Variants in SLC27A1 observed in about 807,000 individuals in gnomAD.
The protein encoded by SLC27A1 is long-chain fatty acid transport protein 1.
In SLC27A1, 61 loss-of-function variants were observed where a neutral mutation model predicts 62.2. The observed-to-expected ratio is 0.98, with a 90% confidence interval of 0.80 to 1.21. The LOEUF (loss-of-function observed/expected upper bound fraction) is 1.21. SLC27A1 is among the 50% of genes most tolerant of loss of function. SLC27A1 has a pLI of 0.00. For synonymous variants in SLC27A1, 435 were observed against 408.6 expected, an observed-to-expected ratio of 1.06 and a Z score of -0.78; for missense variants, 903 against 932.1, an observed-to-expected ratio of 0.97 and a Z score of 0.41.
In SLC27A1 at chr19:17,500,887, G is replaced by C; in HGVS notation, c.1636+11G>C. On this transcript the variant is annotated intron_variant, in intron 10 of 11. Coordinates refer to ENST00000252595, the MANE Select transcript of SLC27A1 (RefSeq NM_198580.3). ...GGGTGGCTGTTCCAGGCAAGCTGGGGTTGCAGGGGGTGGTCCTGAGGCATG... is the reference window on the plus strand; with the variant it reads ...GGGTGGCTGTTCCAGGCAAGCTGGGCTTGCAGGGGGTGGTCCTGAGGCATG... 6.3e-7 allele frequency: 1 copy of C among 1,599,964 alleles called. No individual in the cohort carries two copies.
chr19:17,474,011 T>C (rs1017328249), intron 1 of SLC27A1, among the ~76,000 whole-genome samples: 1 of 151,934 alleles, frequency 6.6e-6, no homozygotes. Context: ...GGTGTGATCA[T>C]AGCTCACTGT....
chr19:17,482,903 A>G (rs752350919), intron 1 of SLC27A1, among the ~76,000 whole-genome samples: 1 of 152,106 alleles, frequency 6.6e-6, no homozygotes, highest in Non-Finnish European at 1.5e-5. Flanking sequence ...CATAGATGCT[A>G]GAGATGCACA....
intron 1 of SLC27A1, among the ~76,000 whole-genome samples, chr19:17,471,907 C>T (rs1703429935): frequency 6.6e-6 from 1 of 152,206 alleles, no homozygotes; most frequent in Non-Finnish European, 1.5e-5. Context: ...CAAGGTCCTA[C>T]CATCTGTTCC....
At chr19:17,477,270 T>C (rs2075133737) in intron 1 of SLC27A1, among the ~76,000 whole-genome samples, 1 of 127,868 alleles carries the variant, frequency 7.8e-6, no homozygotes, top group East Asian at 2.5e-4. Context: ...TTTTTGAGAC[T>C]GAATCTTGCT....
At chr19:17,501,628 C>G (rs576503667) in intron 11 of SLC27A1, among the ~76,000 whole-genome samples, 2 of 151,234 alleles carry the variant, frequency 1.3e-5, no homozygotes, top group Non-Finnish European at 2.9e-5. Context: ...ACAGTGAAAC[C>G]CTGTCTCTAC....
At position 17,487,000 on chromosome 19, in the gene SLC27A1, T is replaced by A; in HGVS notation, c.562+43T>A. 1 of 1,528,884 alleles carries A rather than the reference T, an allele frequency of 6.5e-7. No individual in the cohort carries two copies. Among genetic ancestry groups the A allele is most frequent in the African/African-American group, 1.4e-5 (1 of 73,270 alleles). The allele number at this position is 1,528,884 out of a possible 1,614,324, so 94.7% of individuals were successfully genotyped here. On this transcript the variant is annotated intron_variant, in intron 2 of 11. Transcript: ENST00000252595. The surrounding 1 kb of genome is among the most constrained non-coding windows in gnomAD (Gnocchi z 6.6). Reference sequence around the variant, plus strand: ...CATCAGGTGGGCGGGGACCCAGGACTGGCCCCTGGGCGGGCGGGGAGATGC... The same window carrying A: ...CATCAGGTGGGCGGGGACCCAGGACAGGCCCCTGGGCGGGCGGGGAGATGC...
chr19:17,476,033 A>G (rs539821086), intron 1 of SLC27A1, among the ~76,000 whole-genome samples: 1 of 152,278 alleles, frequency 6.6e-6, no homozygotes, highest in East Asian at 1.9e-4. Context: ...GTTTAGCCTG[A>G]CGGTGACCAA....
intron 1 of SLC27A1, among the ~76,000 whole-genome samples, chr19:17,479,463 CA>C (rs1433619878): frequency 1.3e-5 from 2 of 152,168 alleles, no homozygotes; most frequent in African/African-American, 4.8e-5. Context: ...GTTGTAAAGA[CA>C]ATCCATTGTA....
intron 1 of SLC27A1, among the ~76,000 whole-genome samples, chr19:17,474,373 C>T (rs1472672026): frequency 6.6e-6 from 1 of 152,194 alleles, no homozygotes; most frequent in South Asian, 2.1e-4. Context: ...ACAGCGGTAG[C>T]GCAGGACATG....
rs1207716073 is a variant in SLC27A1, at chr19:17,504,808, C to T, written c.*196C>T. 1.4e-6 allele frequency: 1 copy of T among 724,576 alleles called. No individual in the cohort carries two copies. The highest frequency in any genetic ancestry group is 2.0e-5 in the Admixed American group (1 of 49,828). The allele number at this position is 724,576 out of a possible 1,614,324, so 44.9% of individuals were successfully genotyped here. A position where few individuals can be genotyped will look rare whatever the true frequency, so the allele number is the denominator to read the frequency against. ...TGCTGCCTTGGTGCCCCTGTGTCTGCCTCCTCTCCCTGCTTTTCAGCCTCT... is the reference window on the plus strand; with the variant it reads ...TGCTGCCTTGGTGCCCCTGTGTCTGTCTCCTCTCCCTGCTTTTCAGCCTCT... On this transcript the variant is annotated 3_prime_UTR_variant, in exon 12 of 12. Coordinates refer to ENST00000252595, the MANE Select transcript of SLC27A1 (RefSeq NM_198580.3).
In SLC27A1 at chr19:17,486,943, G is replaced by A. The variant is rs2075238525; in HGVS notation, c.548G>A (p.Gly183Glu). ...TSGAKALIFGGEMVAAVAEVS... is the reference protein window; with the variant it reads ...TSGAKALIFGEEMVAAVAEVS... ...GGCGCTAAGGCCCTGATCTTTGGAGGAGAAATGGTGGCGGGTGAGGCCAGG... is the reference window on the plus strand; with the variant it reads ...GGCGCTAAGGCCCTGATCTTTGGAGAAGAAATGGTGGCGGGTGAGGCCAGG... Residue 183 changes from glycine to glutamate, a missense_variant, in exon 2 of 12, where the codon GGA becomes GAA. Transcript: ENST00000252595. The surrounding 1 kb of genome is among the most constrained non-coding windows in gnomAD (Gnocchi z 6.6). 6.3e-7 allele frequency: 1 copy of A among 1,580,456 alleles called. No individual in the cohort carries two copies.
intron 11 of SLC27A1, among the ~76,000 whole-genome samples, chr19:17,501,850 G>A (rs925461220): frequency 5.5e-5 from 8 of 144,432 alleles, no homozygotes; most frequent in Non-Finnish European, 1.1e-4. Context: ...GGTGGCTCCC[G>A]CCTGTAATCT....
Position 17,486,482 on chromosome 19 carries a change from C to CT in SLC27A1, c.168-80dup. On this transcript the variant is annotated intron_variant, in intron 1 of 11. Coordinates refer to ENST00000252595, the MANE Select transcript of SLC27A1 (RefSeq NM_198580.3). The surrounding 1 kb of genome is among the most constrained non-coding windows in gnomAD (Gnocchi z 6.6). ...CAAAGCCCCTGGCTGCCCTGGGGTC[C>CT]TCCAGCGGGGAGGCTGAGGCTCCCA... The CT allele has an allele frequency of 6.8e-7, 1 of 1,460,096 alleles. No individual in the cohort carries two copies. The highest frequency in any genetic ancestry group is 9.1e-7 in the Non-Finnish European group (1 of 1,103,598). The allele number at this position is 1,460,096 out of a possible 1,614,324, so 90.4% of individuals were successfully genotyped here.
At chr19:17,475,817 T>C (rs2075116724) in intron 1 of SLC27A1, among the ~76,000 whole-genome samples, 1 of 152,204 alleles carries the variant, frequency 6.6e-6, no homozygotes. Context: ...CCTGGAGTCC[T>C]GGGCCCAGAG....
In SLC27A1 at chr19:17,500,743, C is replaced by T. The variant is rs754956817; in HGVS notation, c.1503C>T (p.Tyr501=). 6.2e-7 allele frequency: 1 copy of T among 1,614,052 alleles called. No homozygotes were observed. The highest frequency in any genetic ancestry group is 1.7e-5 in the Admixed American group (1 of 59,980). ...GDVLVMDELG[Y]MYFRDRSGDT... is the part of the protein sequence containing the mutation. ...TGCTAGTGATGGATGAGCTGGGCTACATGTACTTCCGGGACCGTAGCGGGG... is the reference window on the plus strand; with the variant it reads ...TGCTAGTGATGGATGAGCTGGGCTATATGTACTTCCGGGACCGTAGCGGGG... Residue 501 remains tyrosine (Y), a synonymous_variant, in exon 10 of 12, where the codon TAC becomes TAT. Coordinates refer to ENST00000252595, the MANE Select transcript of SLC27A1 (RefSeq NM_198580.3).
At position 17,486,470 on chromosome 19, in the gene SLC27A1, T is replaced by C; in HGVS notation, c.168-93T>C. On this transcript the variant is annotated intron_variant, in intron 1 of 11. Coordinates refer to ENST00000252595, the MANE Select transcript of SLC27A1 (RefSeq NM_198580.3). This position sits in a 1 kb window ranked among gnomAD's most constrained non-coding sequence, Gnocchi z 6.6. The stretch of plus-strand genomic sequence containing the variant: ...CATAGACCTCATCAAAGCCCCTGGC[T>C]GCCCTGGGGTCCTCCAGCGGGGAGG... 1 of 1,410,110 alleles carries C rather than the reference T, an allele frequency of 7.1e-7. No homozygotes were observed. The highest frequency in any genetic ancestry group is 1.4e-5 in the South Asian group (1 of 70,208). The allele number at this position is 1,410,110 out of a possible 1,614,324, so 87.3% of individuals were successfully genotyped here.
At chr19:17,473,826 C>T (rs1389883384) in intron 1 of SLC27A1, among the ~76,000 whole-genome samples, 1 of 152,206 alleles carries the variant, frequency 6.6e-6, no homozygotes, top group Non-Finnish European at 1.5e-5. Context: ...CGTGCCATTA[C>T]ACTCCAGACT....
intron 6 of SLC27A1, among the ~76,000 whole-genome samples, chr19:17,492,637 AAAAAG>A (rs1568419457): frequency 7.1e-6 from 1 of 139,984 alleles, no homozygotes; most frequent in East Asian, 2.0e-4. Context: ...AAAAAAAAAG[AAAAAG>A]AAATAGAGGA....
chr19:17,481,568 A>G (rs2075178830), intron 1 of SLC27A1, among the ~76,000 whole-genome samples: 1 of 152,148 alleles, frequency 6.6e-6, no homozygotes, highest in African/African-American at 2.4e-5. Context: ...CAGTGACACA[A>G]TCTCGGTTCA....
Sources: gnomAD v4.1 joint callset for allele counts (sites outside exome capture counted in the v4.1 genomes callset) on GRCh38, gnomAD v4.1.1 for gene constraint, Gnocchi (gnomAD v3.1) non-coding constraint, MANE v1.5 for transcripts, NCBI Gene and HGNC (gene_info 2026-07-23, HGNC 2026-07-21) for gene names.